ENTREP2: variants seen among roughly 807,000 people sequenced by gnomAD.
ENTREP2 encodes the protein endosomal transmembrane epsin interactor 2.
At chr15:29,252,402 GCAT>G in the ENTREP2 span, 1 of 1,551,050 alleles carries the variant, frequency 6.4e-7, no homozygotes, top group Middle Eastern at 1.7e-4. Context: ...GACTAGCTGA[GCAT>G]TCTGACAAGA....
chr15:29,554,806 T>C, the ENTREP2 span, among the ~76,000 whole-genome samples: 1 of 152,136 alleles, frequency 6.6e-6, no homozygotes, highest in Non-Finnish European at 1.5e-5. Flanking sequence ...CTTGGGGCAA[T>C]TTGAAAAATC....
the ENTREP2 span, among the ~76,000 whole-genome samples, chr15:29,322,127 A>T: frequency 2.0e-5 from 3 of 152,190 alleles, no homozygotes; most frequent in Admixed American, 1.3e-4. Flanking sequence ...TTATTTTTTT[A>T]AAAATTTGAA....
the ENTREP2 span, among the ~76,000 whole-genome samples, chr15:29,243,435 T>C: frequency 1.5e-4 from 23 of 151,978 alleles, no homozygotes; most frequent in Admixed American, 1.5e-3. Context: ...AAAATGAAAA[T>C]TACAAACCAA....
the ENTREP2 span, among the ~76,000 whole-genome samples, chr15:29,206,862 T>C: frequency 2.6e-5 from 4 of 152,210 alleles, no homozygotes; most frequent in African/African-American, 9.6e-5. Context: ...CTAACTCATT[T>C]AGTTTGGTTT....
the ENTREP2 span, chr15:29,570,619 G>T: frequency 6.9e-7 from 1 of 1,444,210 alleles, no homozygotes; most frequent in Non-Finnish European, 9.1e-7. Flanking sequence ...GCGTGGCCCC[G>T]AGCGCCAGCA....
At chr15:29,566,350 G>A in the ENTREP2 span, among the ~76,000 whole-genome samples, 1,244 of 151,986 alleles carry the variant, frequency 8.2e-3, 40 homozygotes, top group Non-Finnish European at 6.6e-3. Context: ...TTTTTTAGTA[G>A]AGACAGGATT....
chr15:29,164,238 T>C, the ENTREP2 span, among the ~76,000 whole-genome samples: 31 of 152,092 alleles, frequency 2.0e-4, no homozygotes, highest in Non-Finnish European at 4.3e-4. Flanking sequence ...ACACAGGACC[T>C]ATAAAACAAA....
chr15:29,546,944 A>C, the ENTREP2 span, among the ~76,000 whole-genome samples: 1 of 151,524 alleles, frequency 6.6e-6, no homozygotes, highest in East Asian at 1.9e-4. Context: ...GAAAAGATAG[A>C]AAATTTTAAT....
the ENTREP2 span, among the ~76,000 whole-genome samples, chr15:29,606,227 T>C: frequency 5.4e-5 from 8 of 149,476 alleles, no homozygotes; most frequent in South Asian, 1.5e-3. Flanking sequence ...TCTTTTTCTT[T>C]TCTTTTCCTT....
At chr15:29,575,459 A>G in the ENTREP2 span, among the ~76,000 whole-genome samples, 24,716 of 152,050 alleles carry the variant, frequency 0.16, 2,847 homozygotes, top group East Asian at 0.49. Context: ...ACATGTGGTG[A>G]ATGTCCACAT....
the ENTREP2 span, among the ~76,000 whole-genome samples, chr15:29,527,283 A>G: frequency 5.9e-5 from 9 of 151,996 alleles, 1 homozygote; most frequent in Non-Finnish European, 1.3e-4. Context: ...GTTTCAGGAC[A>G]TTTTCTAATT....
the ENTREP2 span, among the ~76,000 whole-genome samples, chr15:29,581,211 T>A: frequency 6.6e-6 from 1 of 152,210 alleles, no homozygotes; most frequent in Non-Finnish European, 1.5e-5. Flanking sequence ...TCAGATTTGA[T>A]TATAATCATC....
the ENTREP2 span, among the ~76,000 whole-genome samples, chr15:29,279,817 CTT>C: frequency 3.9e-5 from 6 of 152,114 alleles, 1 homozygote; most frequent in Admixed American, 3.9e-4. Context: ...TTTTCACAAA[CTT>C]TATATCAACA....
chr15:29,298,884 A>G, the ENTREP2 span, among the ~76,000 whole-genome samples: 2 of 144,772 alleles, frequency 1.4e-5, no homozygotes, highest in Non-Finnish European at 3.0e-5. Context: ...TCTTAGTACC[A>G]ACCTCTGATA....
chr15:29,570,920 CCCGCGCCCATGCCGCCGCCG>C, the ENTREP2 span, among the ~76,000 whole-genome samples: 3 of 145,008 alleles, frequency 2.1e-5, no homozygotes, highest in Non-Finnish European at 4.6e-5. Context: ...CCCGCCGGTG[CCCGCGCCCATGCCGCCGCCG>C]CCGCGCCGCC....
At chr15:29,575,396 C>T in the ENTREP2 span, among the ~76,000 whole-genome samples, 1 of 152,208 alleles carries the variant, frequency 6.6e-6, no homozygotes. Context: ...CCACCACTAA[C>T]ATCATAATCA....
the ENTREP2 span, among the ~76,000 whole-genome samples, chr15:29,648,044 C>G: frequency 6.6e-6 from 1 of 152,176 alleles, no homozygotes; most frequent in African/African-American, 2.4e-5. Flanking sequence ...GACCTTGTCA[C>G]TTTGAAATCT....
At chr15:29,502,820 G>C in the ENTREP2 span, among the ~76,000 whole-genome samples, 9 of 151,888 alleles carry the variant, frequency 5.9e-5, no homozygotes, top group Non-Finnish European at 1.3e-4. Context: ...TATACAAATG[G>C]CCAATAAATG....
the ENTREP2 span, among the ~76,000 whole-genome samples, chr15:29,518,222 A>G: frequency 4.6e-5 from 7 of 152,230 alleles, no homozygotes; most frequent in East Asian, 1.4e-3. Context: ...AAACAAAACA[A>G]AACAAAAAAA....
Sources: gnomAD v4.1 joint callset for allele counts (sites outside exome capture counted in the v4.1 genomes callset) on GRCh38, gnomAD v4.1.1 for gene constraint, MANE v1.5 for transcripts, NCBI Gene and HGNC (gene_info 2026-07-23, HGNC 2026-07-21) for gene names.